The following NECTIN3 variants were observed in gnomAD, a reference collection of about 807,000 sequenced individuals.
NECTIN3 encodes nectin-3.
Under a neutral mutation model 49.4 loss-of-function variants are expected in NECTIN3, and 8 were observed. The ratio of observed to expected loss-of-function variants is 0.16; its 90% confidence interval spans 0.10 to 0.29. The LOEUF (loss-of-function observed/expected upper bound fraction) is 0.29. Ranked by LOEUF, NECTIN3 falls within the 10% of genes least tolerant of loss-of-function variation. The probability of loss-of-function intolerance (pLI) is 1.00; values close to 1 mark genes in which losing one functional copy is unlikely to be tolerated. For missense variants in NECTIN3, 581 were observed against 654.6 expected (o/e 0.89, Z 1.23); for synonymous variants, 277 against 241.1 (o/e 1.15, Z -1.38).
At chr3:111,155,694 A>G (rs2035082582) in intron 7 of NECTIN3, among the ~76,000 whole-genome samples, 1 of 152,164 alleles carries the variant, frequency 6.6e-6, no homozygotes, top group South Asian at 2.1e-4. Flanking sequence ...TTCTGCATAG[A>G]TGGTTTTGTT....
intron 5 of NECTIN3, among the ~76,000 whole-genome samples, chr3:111,129,955 T>A (rs2034321577): frequency 1.6e-5 from 2 of 121,622 alleles, no homozygotes; most frequent in South Asian, 5.4e-4. Flanking sequence ...CAGCAGAGAA[T>A]TTTTTTTTTT....
downstream of NECTIN3, among the ~76,000 whole-genome samples, chr3:111,142,148 C>T (rs979693497): frequency 3.9e-5 from 6 of 151,948 alleles, no homozygotes; most frequent in Admixed American, 2.6e-4. Context: ...TACTGGTTTT[C>T]ATCAACTGTT....
At chr3:111,138,810 A>G (rs2034666078), downstream of NECTIN3, among the ~76,000 whole-genome samples, 1 of 151,656 alleles carries the variant, frequency 6.6e-6, no homozygotes, top group South Asian at 2.1e-4. Flanking sequence ...TTAGAGCCTC[A>G]TTTCCTTATG....
chr3:111,105,374 T>G (rs1488530691), intron 1 of NECTIN3, among the ~76,000 whole-genome samples: 2 of 151,964 alleles, frequency 1.3e-5, no homozygotes, highest in Non-Finnish European at 2.9e-5. Context: ...CTCAAGCAAT[T>G]TACCTGCCTC....
rs73854909 is a variant in NECTIN3 at position 111,137,067 on chromosome 3, T to G, written c.*2852T>G. 2,865 of 982,878 alleles carry G rather than the reference T, an allele frequency of 2.9e-3. 36 individuals are homozygous for G. In the African/African-American group the frequency reaches 0.031, roughly 11 times the overall value. The allele number at this position is 982,878 out of a possible 1,614,324, so 60.9% of individuals were successfully genotyped here. A position where few individuals can be genotyped will look rare whatever the true frequency, so the allele number is the denominator to read the frequency against. ...TTATAAGATAACCCACGGCTAAATA[T>G]TTTGCATTAAGGAGCTGTAGGAGTA... On this transcript the variant is annotated 3_prime_UTR_variant, in exon 6 of 6. Transcript: ENST00000485303.
chr3:111,083,861 G>A (rs1478567616), intron 1 of NECTIN3, among the ~76,000 whole-genome samples: 1 of 152,194 alleles, frequency 6.6e-6, no homozygotes, highest in African/African-American at 2.4e-5. Flanking sequence ...GGATGATATA[G>A]CCTTGTCTCT....
intron 1 of NECTIN3, among the ~76,000 whole-genome samples, chr3:111,083,222 C>G (rs1005987543): frequency 3.9e-5 from 6 of 152,028 alleles, no homozygotes; most frequent in African/African-American, 1.5e-4. Context: ...AGGGACAACT[C>G]TTGGGAAAGA....
chr3:111,084,342 G>T (rs1283085496), intron 1 of NECTIN3, among the ~76,000 whole-genome samples: 3 of 152,138 alleles, frequency 2.0e-5, no homozygotes, highest in Non-Finnish European at 4.4e-5. Flanking sequence ...AGTATTGAAG[G>T]CATGAATTGG....
At chr3:111,092,755 AT>A (rs764951833) in intron 1 of NECTIN3, among the ~76,000 whole-genome samples, 37 of 152,088 alleles carry the variant, frequency 2.4e-4, no homozygotes, top group Non-Finnish European at 4.4e-4. Flanking sequence ...TAGTCCTCCA[AT>A]TTTATTTTAT....
intron 3 of NECTIN3, among the ~76,000 whole-genome samples, chr3:111,119,773 A>G (rs776084782): frequency 2.0e-5 from 3 of 152,254 alleles, no homozygotes; most frequent in Non-Finnish European, 4.4e-5. Context: ...TAGCAAAGAT[A>G]ATGAAAATTA....
rs1559789405 is a variant in NECTIN3 at position 111,118,284 on chromosome 3, T to TATATATATA, written c.503-369_503-368insTATATAATA. 5.1e-3 allele frequency among the ~76,000 whole-genome samples: 250 copies of TATATATATA among 49,498 alleles called. 3 individuals carry two copies. The highest frequency in any genetic ancestry group is 7.5e-3 in the Non-Finnish European group (141 of 18,780). The allele number at this position is 49,498 out of a possible 152,430, so 32.5% of individuals were successfully genotyped here. A position where few individuals can be genotyped will look rare whatever the true frequency, so the allele number is the denominator to read the frequency against. On this transcript the variant is annotated intron_variant, in intron 2 of 5. Transcript: ENST00000485303. ...TATATATATATATATATATATATAT[T>TATATATATA]ATACATATATAAAACTTATCTTCCA...
Position 111,072,165 on chromosome 3 carries a change from T to C in NECTIN3, c.148T>C (p.Ser50Pro), listed in dbSNP as rs1333041875. ...GCTGCTCTTCCCGCTGCTGCTCTTC[T>C]CCAGGCTCTGTGGTAGGTGAACCTC... ...LLLLFPLLLF[S>P]RLCGALAGPI... The change falls in exon 1 of 6, where the codon TCC becomes CCC. Residue 50 changes from serine to proline, a missense_variant. Ser to Pro is a moderately conservative substitution (Grantham distance 74, BLOSUM62 -1). Transcript: ENST00000485303. The C allele has an allele frequency of 6.4e-7, 1 of 1,555,438 alleles. No homozygotes were observed. The highest frequency in any genetic ancestry group is 1.2e-5 in the South Asian group (1 of 84,354).
intron 1 of NECTIN3, among the ~76,000 whole-genome samples, chr3:111,098,495 CCA>C (rs1041560663): frequency 1.3e-5 from 2 of 152,128 alleles, no homozygotes; most frequent in African/African-American, 4.8e-5. Context: ...CTGCATAACT[CCA>C]GTTTTTTCCT....
chr3:111,121,063 C>G (rs1450992329), intron 3 of NECTIN3, among the ~76,000 whole-genome samples: 1 of 140,192 alleles, frequency 7.1e-6, no homozygotes, highest in East Asian at 2.1e-4. Flanking sequence ...AGTGCAGTGG[C>G]GCGAACTAGG....
At chr3:111,193,248 G>A (rs1225488892) in intron 1 of NECTIN3, 1 of 1,535,806 alleles carries the variant, frequency 6.5e-7, no homozygotes, top group Admixed American at 2.0e-5. Context: ...GAATCCAGTT[G>A]GGGAAGATGG....
chr3:111,120,557 GT>G (rs757430406), intron 3 of NECTIN3, among the ~76,000 whole-genome samples: 1 of 150,406 alleles, frequency 6.6e-6, no homozygotes, highest in Admixed American at 6.6e-5. Context: ...GTTAATCTTT[GT>G]TTTTTTTTAA....
In NECTIN3 at chr3:111,072,552, C is replaced by T. The variant is rs1184100831; in HGVS notation, c.160+375C>T. The T allele has an allele frequency of 2.4e-5, 37 of 1,535,576 alleles. No homozygotes were observed. In the East Asian group the frequency reaches 9.1e-4, roughly 38 times the overall value. ...GGATGCACGTTTGCCGCTTTTTTTC[C>T]CGGTGAAACTTGAGCTGTGAGCCCA... On this transcript the variant is annotated intron_variant, in intron 1 of 5. Coordinates refer to ENST00000485303, the MANE Select transcript of NECTIN3 (RefSeq NM_015480.3).
rs533477340 is a variant in NECTIN3, at chr3:111,088,690, G to T, written c.160+16513G>T. ...TGTGTTTCTGGAGTAATCTCAGTTT[G>T]GTTTTGATGAATATATCCTTTATTA... On this transcript the variant is annotated intron_variant, in intron 1 of 5. Coordinates refer to ENST00000485303, the MANE Select transcript of NECTIN3 (RefSeq NM_015480.3). Among the ~76,000 whole-genome samples the T allele has an allele frequency of 1.6e-4, 24 of 152,026 alleles. No individual in the cohort carries two copies. In the South Asian group the frequency reaches 3.3e-3, roughly 21 times the overall value.
intron 5 of NECTIN3, among the ~76,000 whole-genome samples, chr3:111,129,199 C>CT (rs76125840): frequency 0.2 from 29,868 of 151,928 alleles, 5,775 homozygotes; most frequent in African/African-American, 0.5. Flanking sequence ...TCACCTTCAC[C>CT]TTTTTCAATG....
Sources: gnomAD v4.1 joint callset for allele counts (sites outside exome capture counted in the v4.1 genomes callset) on GRCh38, gnomAD v4.1.1 for gene constraint, MANE v1.5 for transcripts, NCBI Gene and HGNC (gene_info 2026-07-23, HGNC 2026-07-21) for gene names.